CTTNBP2: variants seen among roughly 807,000 people sequenced by gnomAD.
CTTNBP2 encodes the protein cortactin-binding protein 2.
Under a neutral mutation model 156.9 loss-of-function variants are expected in CTTNBP2, and 108 were observed. That is an observed-to-expected ratio of 0.69 (90% CI 0.59 to 0.81). The LOEUF is 0.81. Among genes scored for constraint, CTTNBP2 ranks in the 30% least tolerant of loss-of-function variants. CTTNBP2 has a pLI of 0.00. For synonymous variants in CTTNBP2, 767 were observed against 751.8 expected (o/e 1.02, Z -0.33); for missense variants, 1,924 against 2,035.4 (o/e 0.95, Z 1.05).
intron 2 of CTTNBP2, among the ~76,000 whole-genome samples, chr7:117,837,010 A>G (rs1290949802): frequency 2.0e-5 from 3 of 152,174 alleles, no homozygotes; most frequent in Non-Finnish European, 2.9e-5. Flanking sequence ...AATTCTACCA[A>G]TGTTGTACTT....
At chr7:117,760,947 T>G (rs2116653398) in intron 9 of CTTNBP2, among the ~76,000 whole-genome samples, 1 of 152,268 alleles carries the variant, frequency 6.6e-6, no homozygotes, top group African/African-American at 2.4e-5. Flanking sequence ...TATCTTTGGC[T>G]TTTTCTATTT....
At chr7:117,770,016 T>C (rs755188664) in intron 8 of CTTNBP2, among the ~76,000 whole-genome samples, 6 of 152,222 alleles carry the variant, frequency 3.9e-5, no homozygotes, top group Admixed American at 6.5e-5. Context: ...AAAGTTCTTA[T>C]ATTCTTGGCC....
At chr7:117,834,597 A>C (rs1801815441) in intron 2 of CTTNBP2, among the ~76,000 whole-genome samples, 1 of 152,228 alleles carries the variant, frequency 6.6e-6, no homozygotes, top group African/African-American at 2.4e-5. Flanking sequence ...TTAGTATTTA[A>C]ATCCTAAATT....
chr7:117,810,749 T>C lies in CTTNBP2; in HGVS notation c.414+16A>G. The C allele has an allele frequency of 1.9e-6, 3 of 1,606,564 alleles. No homozygotes were observed. Among genetic ancestry groups the C allele is most frequent in the Admixed American group, 1.7e-5 (1 of 60,014 alleles). ...ACCATGTTGTGGGGAAAATGACCAT[T>C]TGAACGCCTCAATACCTTCTTTTGT... On this transcript the variant is annotated intron_variant, in intron 3 of 22. Transcript: ENST00000160373.
At chr7:117,843,011 TCA>T (rs1355382436) in intron 2 of CTTNBP2, among the ~76,000 whole-genome samples, 31 of 152,284 alleles carry the variant, frequency 2.0e-4, no homozygotes, top group Admixed American at 1.8e-3. Flanking sequence ...GGATTCACAC[TCA>T]CAGATTCAAC....
At chr7:117,796,649 T>C (rs941140094) in intron 3 of CTTNBP2, among the ~76,000 whole-genome samples, 1 of 152,182 alleles carries the variant, frequency 6.6e-6, no homozygotes, top group African/African-American at 2.4e-5. Flanking sequence ...TGCCCGGCAC[T>C]AAAAAATACT....
intron 6 of CTTNBP2, 89 bp from the exon 7 acceptor site, chr7:117,780,680 G>T: frequency 2.9e-6 from 2 of 691,820 alleles, no homozygotes; most frequent in South Asian, 3.5e-5. Flanking sequence ...AGAAAAGAAA[G>T]CAATGTTGCA....
chr7:117,763,555 CTTTTTTT>C lies in CTTNBP2; in HGVS notation c.2897-2852_2897-2846del, dbSNP rs767309488. Among the ~76,000 whole-genome samples, 418 of 103,436 alleles carry C rather than the reference CTTTTTTT, an allele frequency of 4.0e-3. 1 individual carries two copies. The highest frequency in any genetic ancestry group is 0.012 in the African/African-American group (303 of 26,346). 67.9% of individuals were successfully genotyped at this position (103,436 alleles called of 152,430 possible). A position where few individuals can be genotyped will look rare whatever the true frequency, so the allele number is the denominator to read the frequency against. On this transcript the variant is annotated intron_variant, in intron 9 of 22. Coordinates refer to ENST00000160373, the MANE Select transcript of CTTNBP2 (RefSeq NM_033427.3). ...CCATTGTTTTCTTTTTCTTCTTCTT[CTTTTTTT>C]TTTTTTTTTTTTTTTTGAGACAGGG...
chr7:117,862,334 G>T (rs1461123766), intron 1 of CTTNBP2, among the ~76,000 whole-genome samples: 1 of 152,032 alleles, frequency 6.6e-6, no homozygotes, highest in Non-Finnish European at 1.5e-5. Context: ...GCGGTGTGGT[G>T]GTTCATAATT....
chr7:117,762,752 G>A (rs1041556038), intron 9 of CTTNBP2, among the ~76,000 whole-genome samples: 1 of 152,102 alleles, frequency 6.6e-6, no homozygotes, highest in African/African-American at 2.4e-5. Flanking sequence ...AATGGCCTAC[G>A]CATTCCAACA....
At position 117,760,601 on chromosome 7, in the gene CTTNBP2, T is replaced by C. The variant is rs1025452796; in HGVS notation, c.3006A>G (p.Lys1002=). 3 of 1,614,138 alleles carry C rather than the reference T, an allele frequency of 1.9e-6. No homozygotes were observed. The highest frequency in any genetic ancestry group is 1.3e-5 in the African/African-American group (1 of 75,036). The change falls in exon 10 of 23, where the codon AAA becomes AAG. Residue 1002 remains lysine (K), a synonymous_variant. Transcript: ENST00000160373. ...ENTICALNIR[K]QTSWDDFSKA... ...TTGAAAAATCATCCCATGATGTCTG[T>C]TTGCGGATATTTAAAGCACATATTG...
At chr7:117,794,459 T>C (rs1263590374) in intron 3 of CTTNBP2, among the ~76,000 whole-genome samples, 2 of 152,134 alleles carry the variant, frequency 1.3e-5, no homozygotes, top group Non-Finnish European at 2.9e-5. Flanking sequence ...AACACAAATA[T>C]CCTCCCAAGA....
intron 20 of CTTNBP2, 151 bp from the exon 21 acceptor site, chr7:117,719,787 G>T: frequency 1.8e-6 from 1 of 571,422 alleles, no homozygotes; most frequent in South Asian, 3.2e-5. Context: ...TTTAATGCAA[G>T]AAATTTCCAC....
At chr7:117,810,650 G>A (rs1800218345) in intron 3 of CTTNBP2, 115 bp downstream of exon 3, 1 of 811,080 alleles carries the variant, frequency 1.2e-6, no homozygotes, top group Non-Finnish European at 2.1e-6. Context: ...GCACTTCTAA[G>A]TACTTATTGC....
At chr7:117,853,389 A>G (rs1370687954) in intron 2 of CTTNBP2, among the ~76,000 whole-genome samples, 1 of 152,232 alleles carries the variant, frequency 6.6e-6, no homozygotes, top group Non-Finnish European at 1.5e-5. Flanking sequence ...AAAAATTTAC[A>G]TAATAAAGAT....
chr7:117,831,806 G>T (rs1801628010), intron 2 of CTTNBP2, among the ~76,000 whole-genome samples: 1 of 151,970 alleles, frequency 6.6e-6, no homozygotes, highest in African/African-American at 2.4e-5. Context: ...TCATGCTAGA[G>T]ATCAGTTTCT....
intron 2 of CTTNBP2, among the ~76,000 whole-genome samples, chr7:117,847,117 A>G (rs929838026): frequency 6.6e-6 from 1 of 152,170 alleles, no homozygotes; most frequent in Admixed American, 6.5e-5. Context: ...TTACAGGGTT[A>G]CCAAAATGCT....
intron 9 of CTTNBP2, among the ~76,000 whole-genome samples, chr7:117,762,375 A>G (rs1020611335): frequency 6.6e-6 from 1 of 152,096 alleles, no homozygotes; most frequent in African/African-American, 2.4e-5. Flanking sequence ...TTTCCCCCTA[A>G]CAAGTACTGG....
chr7:117,738,291 A>G (rs903797789), intron 14 of CTTNBP2, among the ~76,000 whole-genome samples: 2 of 152,206 alleles, frequency 1.3e-5, no homozygotes, highest in Admixed American at 1.3e-4. Context: ...CAAAAATGAA[A>G]AGTAGAAGAC....
Sources: allele counts gnomAD v4.1 joint callset (sites outside exome capture counted in the v4.1 genomes callset), GRCh38; gene constraint gnomAD v4.1.1; transcripts MANE v1.5; gene names NCBI Gene and HGNC (gene_info 2026-07-23, HGNC 2026-07-21).